CUL4A: variants seen among roughly 807,000 people sequenced by gnomAD.
CUL4A encodes the protein cullin-4A.
Under a neutral mutation model 95.5 loss-of-function variants are expected in CUL4A, and 16 were observed. The observed-to-expected ratio is 0.17, with a 90% CI of 0.11 to 0.25. CUL4A has a LOEUF of 0.25. Among genes scored for constraint, CUL4A ranks in the 10% least tolerant of loss-of-function variants. The pLI, the probability that CUL4A is intolerant of heterozygous loss-of-function variation, is 1.00. For missense variants in CUL4A, 610 were observed against 937.0 expected (o/e 0.65, Z 4.56); for synonymous variants, 380 against 353.1 (o/e 1.08, Z -0.85).
At chr13:113,250,969 G>T (rs180868102) in intron 15 of CUL4A, among the ~76,000 whole-genome samples, 1 of 152,130 alleles carries the variant, frequency 6.6e-6, no homozygotes, top group Non-Finnish European at 1.5e-5. Flanking sequence ...CCAAGCAGAT[G>T]TGAGGTCAGC....
intron 18 of CUL4A, among the ~76,000 whole-genome samples, chr13:113,258,083 C>T (rs1424530367): frequency 6.6e-6 from 1 of 152,106 alleles, no homozygotes; most frequent in African/African-American, 2.4e-5. Context: ...TCATAGCTCA[C>T]TGCAGCCTCA....
chr13:113,236,370 G>A lies in CUL4A; in HGVS notation c.849-453G>A, dbSNP rs181554361. ...GTCCGGGGGAAATAGTGGAGAGAGC[G>A]GCAGCCACAGCGAAGCCCCACAACC... On this transcript the variant is annotated intron_variant, in intron 8 of 19. Coordinates refer to ENST00000375440, the MANE Select transcript of CUL4A (RefSeq NM_001008895.4). Among the ~76,000 whole-genome samples, 725 of 152,254 alleles carry A rather than the reference G, an allele frequency of 4.8e-3. 1 individual carries two copies. Among genetic ancestry groups the A allele is most frequent in the Middle Eastern group, 0.01 (3 of 294 alleles).
At chr13:113,261,714 C>T (rs776214121) in intron 19 of CUL4A, among the ~76,000 whole-genome samples, 1 of 152,108 alleles carries the variant, frequency 6.6e-6, no homozygotes, top group African/African-American at 2.4e-5. Context: ...AGTGGCAGAC[C>T]AGGGCGCCCA....
rs575235420 is a variant in CUL4A at position 113,244,294 on chromosome 13, T to G, written c.1229-116T>G. On this transcript the variant is annotated intron_variant, in intron 11 of 19. Transcript: ENST00000375440. Reference sequence around the variant, plus strand: ...TTAGAAAATCAGATATTTGTTTTTTTGTCATATAGTCATTTTGGGAAGGTT... The same window carrying G: ...TTAGAAAATCAGATATTTGTTTTTTGGTCATATAGTCATTTTGGGAAGGTT... The G allele has an allele frequency of 8.3e-5, 60 of 718,938 alleles. 1 individual carries two copies. In the African/African-American group the frequency reaches 9.6e-4, roughly 12 times the overall value. The allele number at this position is 718,938 out of a possible 1,614,324, so 44.5% of individuals were successfully genotyped here.
chr13:113,213,037 G>A (rs2040509133), intron 2 of CUL4A, among the ~76,000 whole-genome samples: 1 of 152,172 alleles, frequency 6.6e-6, no homozygotes, highest in South Asian at 2.1e-4. Flanking sequence ...AGTGTGCTAA[G>A]ATTTTGATTG....
chr13:113,252,069 G>C (rs946247646), intron 15 of CUL4A, among the ~76,000 whole-genome samples: 2 of 152,124 alleles, frequency 1.3e-5, no homozygotes, highest in African/African-American at 4.8e-5. Flanking sequence ...GGACCAGGAA[G>C]GGCATGCAGA....
intron 2 of CUL4A, 65 bp from the exon 3 acceptor site, chr13:113,218,880 A>T: frequency 2.7e-6 from 3 of 1,108,336 alleles, no homozygotes; most frequent in Non-Finnish European, 4.0e-6. Flanking sequence ...TGTTAACAAT[A>T]GGGTTTTTTT....
intron 3 of CUL4A, among the ~76,000 whole-genome samples, chr13:113,221,273 C>T (rs2040886749): frequency 6.6e-6 from 1 of 152,196 alleles, no homozygotes; most frequent in African/African-American, 2.4e-5. Flanking sequence ...GTGAGTATCC[C>T]AGAGTCCTCA....
chr13:113,254,469 C>T (rs1467324863), intron 16 of CUL4A, among the ~76,000 whole-genome samples: 4 of 152,044 alleles, frequency 2.6e-5, no homozygotes, highest in Non-Finnish European at 5.9e-5. Flanking sequence ...TTGGTAGGCA[C>T]CAGTAGTCCC....
intron 10 of CUL4A, among the ~76,000 whole-genome samples, chr13:113,242,745 C>T (rs1386835090): frequency 6.6e-6 from 1 of 152,158 alleles, no homozygotes; most frequent in Non-Finnish European, 1.5e-5. Context: ...GTGATTGCAC[C>T]ACCGCACTCC....
chr13:113,257,740 A>C (rs1171604562), intron 18 of CUL4A, among the ~76,000 whole-genome samples: 1 of 152,146 alleles, frequency 6.6e-6, no homozygotes, highest in Non-Finnish European at 1.5e-5. Context: ...GGCCTAAGAG[A>C]GAAATTCCCT....
At chr13:113,234,092 T>TC in intron 7 of CUL4A, 106 bp downstream of exon 7, 1 of 645,976 alleles carries the variant, frequency 1.5e-6, no homozygotes, top group Non-Finnish European at 2.7e-6. Context: ...AAATGTTTCA[T>TC]TGAAAATCTT....
chr13:113,254,772 A>G lies in CUL4A; in HGVS notation c.1832A>G (p.Glu611Gly), dbSNP rs1364835890. The G allele has an allele frequency of 1.9e-6, 3 of 1,613,778 alleles. No homozygotes were observed. Among genetic ancestry groups the G allele is most frequent in the Non-Finnish European group, 2.5e-6 (3 of 1,179,910 alleles). ...AACGAGGGAGATGGCTTCAGCTTTG[A>G]GGAGATAAAAATGGCCACGGGGATA... is the stretch of plus-strand genomic sequence containing the variant. ...MFNEGDGFSF[E>G]EIKMATGIED... The change falls in exon 17 of 20, where the codon GAG becomes GGG. Residue 611 changes from glutamate (E) to glycine (G), a missense_variant. Physicochemically the swap from Glu to Gly is moderately conservative, Grantham distance 98 (BLOSUM62 -2). Around this residue, in one of 10 missense-constraint regions of CUL4A, gnomAD observed 72 missense variants for 93.2 expected, o/e 0.77. Coordinates refer to ENST00000375440, the MANE Select transcript of CUL4A (RefSeq NM_001008895.4).
chr13:113,232,447 G>T (rs1295288196), intron 5 of CUL4A, among the ~76,000 whole-genome samples: 5 of 140,426 alleles, frequency 3.6e-5, no homozygotes, highest in African/African-American at 5.2e-5. Flanking sequence ...CACCACTCCT[G>T]CCCTGATGTG....
chr13:113,264,467 A>T lies in CUL4A; in HGVS notation c.*885A>T, dbSNP rs2042364538. On this transcript the variant is annotated 3_prime_UTR_variant, in exon 20 of 20. Transcript: ENST00000375440. The stretch of plus-strand genomic sequence containing the variant: ...TTGTTCTCTGCTGTAAACTGTAAAA[A>T]GTTTATGGAGACTTAAAGTCTTGAT... 1 of 152,196 alleles carries T rather than the reference A, an allele frequency of 6.6e-6. No individual in the cohort carries two copies. The highest frequency in any genetic ancestry group is 2.4e-5 in the African/African-American group (1 of 41,414). 9.4% of individuals were successfully genotyped at this position (152,196 alleles called of 1,614,324 possible).
rs1168341825 is a variant in CUL4A at position 113,264,982 on chromosome 13, ATTG to A, written c.*1403_*1405del. On this transcript the variant is annotated 3_prime_UTR_variant, in exon 20 of 20. Coordinates refer to ENST00000375440, the MANE Select transcript of CUL4A (RefSeq NM_001008895.4). Reference sequence around the variant, plus strand: ...TCTTATAAGTTCGTTGTGTCTAGAGATTGTTAATATTGTAATTTAATGTAGACT... The same window carrying A: ...TCTTATAAGTTCGTTGTGTCTAGAGATTAATATTGTAATTTAATGTAGACT... 1.3e-5 allele frequency: 2 copies of A among 152,090 alleles called. No individual in the cohort carries two copies. Among genetic ancestry groups the A allele is most frequent in the East Asian group, 1.9e-4 (1 of 5,194 alleles). 9.4% of individuals were successfully genotyped at this position (152,090 alleles called of 1,614,324 possible).
At position 113,228,054 on chromosome 13, in the gene CUL4A, G is replaced by A. The variant is rs777653049; in HGVS notation, c.438+9G>A. The A allele has an allele frequency of 6.2e-7, 1 of 1,609,468 alleles. No homozygotes were observed. The highest frequency in any genetic ancestry group is 1.1e-5 in the South Asian group (1 of 90,880). ...ACCACTGCAGACAAATGGTAAGCTT[G>A]TTCACTTTTTCATCAAAACACGACC... On this transcript the variant is annotated intron_variant, in intron 4 of 19. Transcript: ENST00000375440.
chr13:113,216,827 C>T (rs748445990), intron 2 of CUL4A, among the ~76,000 whole-genome samples: 1 of 152,210 alleles, frequency 6.6e-6, no homozygotes. Context: ...CAAAGGCTGT[C>T]GCCTTTCCAG....
chr13:113,229,856 C>T, intron 5 of CUL4A: 1 of 465,776 alleles, frequency 2.1e-6, no homozygotes, highest in East Asian at 3.3e-5. Context: ...CGGAGAAAGA[C>T]TGCCTGCTGC....
Sources: allele counts gnomAD v4.1 joint callset (sites outside exome capture counted in the v4.1 genomes callset), GRCh38; gene constraint gnomAD v4.1.1; regional missense constraint gnomAD v4.1.1; transcripts MANE v1.5; gene names NCBI Gene and HGNC (gene_info 2026-07-23, HGNC 2026-07-21).